SLC4A4: variants seen among roughly 807,000 people sequenced by gnomAD.
SLC4A4 encodes electrogenic sodium bicarbonate cotransporter 1.
A neutral mutation model predicts 111.5 loss-of-function variants in SLC4A4; 27 were observed. The ratio of observed to expected loss-of-function variants is 0.24; its 90% CI spans 0.18 to 0.33. The LOEUF (loss-of-function observed/expected upper bound fraction) is 0.33, where lower values mean the gene tolerates loss of function less well. Among genes scored for constraint, SLC4A4 ranks in the 10% least tolerant of loss-of-function variants. The probability of loss-of-function intolerance (pLI) is 1.00; values close to 1 mark genes in which losing one functional copy is unlikely to be tolerated. For synonymous variants in SLC4A4, 443 were observed against 463.4 expected (o/e 0.96, Z 0.57); for missense variants, 909 against 1,315.5 (o/e 0.69, Z 4.78).
chr4:71,154,107 A>T (rs548895598), intron 2 of SLC4A4, among the ~76,000 whole-genome samples: 17 of 152,334 alleles, frequency 1.1e-4, no homozygotes, highest in African/African-American at 3.8e-4. Context: ...TATGCTGGTC[A>T]TCAGGGCTTG....
At chr4:71,112,257 G>A (rs1016109197) in intron 2 of SLC4A4, among the ~76,000 whole-genome samples, 39 of 152,216 alleles carry the variant, frequency 2.6e-4, no homozygotes, top group African/African-American at 8.2e-4. Flanking sequence ...CATTCGGTTA[G>A]TTTTAAATTG....
intron 3 of SLC4A4, chr4:71,300,429 GC>G: frequency 4.3e-6 from 1 of 233,876 alleles, no homozygotes; most frequent in Non-Finnish European, 8.9e-6. Flanking sequence ...CTTCATGACA[GC>G]GGACATGACA....
chr4:71,268,285 G>T (rs1197813670), intron 3 of SLC4A4, among the ~76,000 whole-genome samples: 1 of 152,040 alleles, frequency 6.6e-6, no homozygotes, highest in Non-Finnish European at 1.5e-5. Context: ...CATTCTGGGT[G>T]AATATTTCAG....
intron 5 of SLC4A4, among the ~76,000 whole-genome samples, chr4:71,353,335 G>T (rs1416815638): frequency 6.6e-6 from 1 of 152,208 alleles, no homozygotes; most frequent in Non-Finnish European, 1.5e-5. Flanking sequence ...GAGAGCCAGT[G>T]CTGTCATTCT....
chr4:71,313,646 C>A (rs1484721182), intron 3 of SLC4A4, among the ~76,000 whole-genome samples: 1 of 152,078 alleles, frequency 6.6e-6, no homozygotes, highest in African/African-American at 2.4e-5. Flanking sequence ...ATCTTTGAGA[C>A]TGTACAAAAA....
chr4:71,531,382 A>C (rs1319825015), intron 16 of SLC4A4, among the ~76,000 whole-genome samples: 3 of 152,162 alleles, frequency 2.0e-5, no homozygotes, highest in African/African-American at 7.2e-5. Context: ...GATGTCCCAC[A>C]TACGTGAGAC....
chr4:71,208,402 G>C (rs1174760972), intron 1 of SLC4A4, among the ~76,000 whole-genome samples: 1 of 149,384 alleles, frequency 6.7e-6, no homozygotes, highest in South Asian at 2.1e-4. Context: ...CTGCACTCCA[G>C]CCTGGGCGAC....
At chr4:71,539,739 C>T (rs1484439551) in intron 18 of SLC4A4, among the ~76,000 whole-genome samples, 1 of 152,054 alleles carries the variant, frequency 6.6e-6, no homozygotes, top group Non-Finnish European at 1.5e-5. Context: ...ATTACTTTAT[C>T]CCTTTTCTTG....
intron 6 of SLC4A4, among the ~76,000 whole-genome samples, chr4:71,384,728 T>C (rs192311961): frequency 9.3e-4 from 142 of 152,160 alleles, no homozygotes; most frequent in Middle Eastern, 3.4e-3. Context: ...CCATTATTAA[T>C]TGCATTTGTA....
At chr4:71,531,257 T>A (rs1255594279) in intron 16 of SLC4A4, among the ~76,000 whole-genome samples, 1 of 152,102 alleles carries the variant, frequency 6.6e-6, no homozygotes, top group South Asian at 2.1e-4. Flanking sequence ...ACCCACTTCA[T>A]GGGAATGGTC....
intron 2 of SLC4A4, among the ~76,000 whole-genome samples, chr4:71,152,889 C>T (rs951797757): frequency 6.6e-6 from 1 of 150,996 alleles, no homozygotes; most frequent in East Asian, 1.9e-4. Context: ...TTATTTTATC[C>T]TCAGGAAAGT....
intron 16 of SLC4A4, among the ~76,000 whole-genome samples, chr4:71,504,768 T>C (rs1731250335): frequency 6.6e-6 from 1 of 151,988 alleles, no homozygotes; most frequent in African/African-American, 2.4e-5. Flanking sequence ...GATGTGCAGG[T>C]TTGTTACATA....
chr4:71,521,453 T>C (rs1328670256), intron 16 of SLC4A4, among the ~76,000 whole-genome samples: 1 of 152,108 alleles, frequency 6.6e-6, no homozygotes, highest in Non-Finnish European at 1.5e-5. Context: ...AGGCTAGTCT[T>C]GAACTCCTAG....
intron 3 of SLC4A4, among the ~76,000 whole-genome samples, chr4:71,332,975 G>A (rs2148881309): frequency 6.6e-6 from 1 of 152,324 alleles, no homozygotes; most frequent in East Asian, 1.9e-4. Context: ...GGAATTCTCT[G>A]TCTGAAAGGT....
At chr4:71,234,546 C>T (rs915595326) in intron 1 of SLC4A4, among the ~76,000 whole-genome samples, 38 of 152,360 alleles carry the variant, frequency 2.5e-4, no homozygotes, top group African/African-American at 8.2e-4. Context: ...CTGCCTCAGC[C>T]TCCCGAGGAG....
At chr4:71,260,552 T>C (rs1031130480) in intron 3 of SLC4A4, among the ~76,000 whole-genome samples, 1 of 152,240 alleles carries the variant, frequency 6.6e-6, no homozygotes, top group African/African-American at 2.4e-5. Context: ...TCTCTATTTT[T>C]CACCTTATAT....
At chr4:71,468,805 G>C (rs1727618065) in intron 13 of SLC4A4, among the ~76,000 whole-genome samples, 1 of 151,112 alleles carries the variant, frequency 6.6e-6, no homozygotes, top group Non-Finnish European at 1.5e-5. Context: ...CCTCTTGGTA[G>C]TTCACTTTAG....
chr4:71,324,578 A>T (rs1255044176), intron 3 of SLC4A4, among the ~76,000 whole-genome samples: 1 of 151,948 alleles, frequency 6.6e-6, no homozygotes, highest in African/African-American at 2.4e-5. Context: ...TATTTACATC[A>T]CTGACAGAAA....
intron 2 of SLC4A4, among the ~76,000 whole-genome samples, chr4:71,135,296 CTTTT>C (rs376221639): frequency 3.1e-4 from 41 of 130,604 alleles, no homozygotes; most frequent in African/African-American, 1.1e-3. Context: ...ACAATCTACT[CTTTT>C]TTTTTTTTTT....
Sources: allele counts gnomAD v4.1 joint callset (sites outside exome capture counted in the v4.1 genomes callset), GRCh38; gene constraint gnomAD v4.1.1; transcripts MANE v1.5; gene names NCBI Gene and HGNC (gene_info 2026-07-23, HGNC 2026-07-21).